The following PCDHGA7 variants were observed in gnomAD, a reference collection of about 807,000 sequenced individuals.
PCDHGA7 encodes the protein protocadherin gamma-A7.
Under a neutral mutation model 58.3 loss-of-function variants are expected in PCDHGA7, and 44 were observed. The ratio of observed to expected loss-of-function variants is 0.75; its 90% CI spans 0.59 to 0.97. PCDHGA7 has a LOEUF of 0.97. Among genes scored for constraint, PCDHGA7 ranks in the 50% least tolerant of loss-of-function variants. The pLI is 0.00. For synonymous variants in PCDHGA7, 516 were observed against 504.2 expected (o/e 1.02, Z -0.31); for missense variants, 1,266 against 1,188.7 (o/e 1.06, Z -0.96).
At chr5:141,423,749 T>TTG (rs1249843775) in intron 1 of PCDHGA7, 127 of 272,264 alleles carry the variant, frequency 4.7e-4, no homozygotes, top group South Asian at 6.4e-4. Context: ...TGAAAACTGT[T>TTG]TGGGGGGGGG....
chr5:141,467,409 C>T (rs2099143590), intron 1 of PCDHGA7, among the ~76,000 whole-genome samples: 1 of 152,132 alleles, frequency 6.6e-6, no homozygotes, highest in South Asian at 2.1e-4. Context: ...GAAAGCCTTT[C>T]CCCACACCTA....
chr5:141,405,835 A>C (rs2094724459), intron 1 of PCDHGA7, among the ~76,000 whole-genome samples: 1 of 152,178 alleles, frequency 6.6e-6, no homozygotes, highest in African/African-American at 2.4e-5. Flanking sequence ...AGGTAGTATA[A>C]GTTGATATCA....
intron 1 of PCDHGA7, chr5:141,415,818 A>G: frequency 2.3e-6 from 3 of 1,325,056 alleles, no homozygotes; most frequent in Middle Eastern, 2.8e-4. Context: ...CCTATATATC[A>G]TAAGGCTTTG....
At chr5:141,464,618 C>G (rs1425657373) in intron 1 of PCDHGA7, among the ~76,000 whole-genome samples, 2 of 152,092 alleles carry the variant, frequency 1.3e-5, no homozygotes, top group Non-Finnish European at 2.9e-5. Context: ...AGTATATTGT[C>G]AAGCTTTTTA....
intron 1 of PCDHGA7, chr5:141,388,443 G>A (rs1242973473): frequency 5.0e-6 from 8 of 1,613,872 alleles, no homozygotes; most frequent in Non-Finnish European, 6.8e-6. Flanking sequence ...AGAGAAATCA[G>A]ATGGCAGTAA....
chr5:141,509,421 A>T (rs939726886), intron 3 of PCDHGA7, among the ~76,000 whole-genome samples: 5 of 152,088 alleles, frequency 3.3e-5, no homozygotes, highest in Non-Finnish European at 1.5e-5. Context: ...AGCCCCAATG[A>T]GTCAAACTCT....
Position 141,491,622 on chromosome 5 carries a change from C to T in PCDHGA7, c.2425-3185C>T, listed in dbSNP as rs980546113. 15 of 1,613,786 alleles carry T rather than the reference C, an allele frequency of 9.3e-6. No individual in the cohort carries two copies. Among genetic ancestry groups the T allele is most frequent in the Non-Finnish European group, 1.3e-5 (15 of 1,180,002 alleles). Reference sequence around the variant, plus strand: ...ACTTCACTTTTCTAAGACCCCTCAGCGTTCAGCAGCCCACAGCTCTGGCGC... The same window carrying T: ...ACTTCACTTTTCTAAGACCCCTCAGTGTTCAGCAGCCCACAGCTCTGGCGC... On this transcript the variant is annotated intron_variant, in intron 1 of 3. Transcript: ENST00000518325. This position sits in a 1 kb window ranked among gnomAD's most constrained non-coding sequence, Gnocchi z 6.9.
In PCDHGA7 at chr5:141,432,704, C is replaced by T; in HGVS notation, c.2424+47381C>T. ...GAGCCTCGTAGTGGCCGTCCAGGAC[C>T]ACGGCCAGCCCCCTCTCTCCGCCAC... is the stretch of plus-strand genomic sequence containing the variant. On this transcript the variant is annotated intron_variant, in intron 1 of 3. Coordinates refer to ENST00000518325, the MANE Select transcript of PCDHGA7 (RefSeq NM_018920.4). The surrounding 1 kb of genome is among the most constrained non-coding windows in gnomAD (Gnocchi z 6.0). The T allele has an allele frequency of 6.2e-7, 1 of 1,613,966 alleles. No homozygotes were observed. The highest frequency in any genetic ancestry group is 8.5e-7 in the Non-Finnish European group (1 of 1,179,976).
At chr5:141,479,120 A>T (rs1278879959) in intron 1 of PCDHGA7, among the ~76,000 whole-genome samples, 1 of 152,232 alleles carries the variant, frequency 6.6e-6, no homozygotes, top group Non-Finnish European at 1.5e-5. Context: ...TTCTACTGGA[A>T]ATGATGTGCA....
chr5:141,388,521 ACTGC>A, intron 1 of PCDHGA7: 1 of 1,613,840 alleles, frequency 6.2e-7, no homozygotes, highest in Non-Finnish European at 8.5e-7. Context: ...CTTGACTTTG[ACTGC>A]CTTGGACTTT....
chr5:141,453,099 C>CT (rs568622146), intron 1 of PCDHGA7, among the ~76,000 whole-genome samples: 1 of 151,962 alleles, frequency 6.6e-6, no homozygotes, highest in East Asian at 1.9e-4. Flanking sequence ...TTTTCTGTTG[C>CT]TTTTTTGTTT....
chr5:141,393,382 T>C (rs778957877), intron 1 of PCDHGA7: 7 of 1,613,948 alleles, frequency 4.3e-6, no homozygotes, highest in Non-Finnish European at 5.9e-6. Flanking sequence ...AATGGAGCCA[T>C]AAACCCAGAG....
intron 1 of PCDHGA7, among the ~76,000 whole-genome samples, chr5:141,469,821 G>A (rs2099212107): frequency 6.6e-6 from 1 of 152,028 alleles, no homozygotes; most frequent in Admixed American, 6.6e-5. Flanking sequence ...TAGAATGGAG[G>A]TCACATAAAA....
At chr5:141,463,738 G>C (rs1002263384) in intron 1 of PCDHGA7, among the ~76,000 whole-genome samples, 1 of 151,978 alleles carries the variant, frequency 6.6e-6, no homozygotes, top group East Asian at 1.9e-4. Flanking sequence ...GAGCCACCGC[G>C]CCCGGCCTGC....
chr5:141,419,322 C>T lies in PCDHGA7; in HGVS notation c.2424+33999C>T, dbSNP rs370480327. The stretch of plus-strand genomic sequence containing the variant: ...GACTTCGGGCTCAACGGCCGTGTCT[C>T]CTACTCTCTCATTGCCAGCGACCTG... On this transcript the variant is annotated intron_variant, in intron 1 of 3. Transcript: ENST00000518325. 164 of 1,613,852 alleles carry T rather than the reference C, an allele frequency of 1.0e-4. No individual in the cohort carries two copies. Among genetic ancestry groups the T allele is most frequent in the Non-Finnish European group, 1.3e-4 (153 of 1,179,898 alleles).
chr5:141,423,720 A>G, intron 1 of PCDHGA7: 1 of 957,774 alleles, frequency 1.0e-6, no homozygotes, highest in East Asian at 6.0e-5. Flanking sequence ...TTTTAAGGAG[A>G]TGTTTTTTGA....
Position 141,491,543 on chromosome 5 carries a change from A to G in PCDHGA7, c.2425-3264A>G. 6.2e-7 allele frequency: 1 copy of G among 1,613,842 alleles called. No individual in the cohort carries two copies. The highest frequency in any genetic ancestry group is 8.5e-7 in the Non-Finnish European group (1 of 1,179,982). ...ATGGAGGTGACGCTGCGGCCCACAG[A>G]CTCGCAGAGCCACTGCTACAGGACG... On this transcript the variant is annotated intron_variant, in intron 1 of 3. Coordinates refer to ENST00000518325, the MANE Select transcript of PCDHGA7 (RefSeq NM_018920.4). The surrounding 1 kb of genome is among the most constrained non-coding windows in gnomAD (Gnocchi z 6.9).
intron 1 of PCDHGA7, chr5:141,412,443 T>C (rs1479281650): frequency 6.6e-6 from 1 of 152,204 alleles, no homozygotes; most frequent in Non-Finnish European, 1.5e-5. Context: ...TAATTAAGGC[T>C]CAGTAAAACT....
intron 1 of PCDHGA7, chr5:141,389,189 C>CATCA: frequency 6.2e-7 from 1 of 1,614,032 alleles, no homozygotes; most frequent in Non-Finnish European, 8.5e-7. Context: ...CCAGTTCCAG[C>CATCA]ATCACCCTGC....
Sources: allele counts gnomAD v4.1 joint callset (sites outside exome capture counted in the v4.1 genomes callset), GRCh38; gene constraint gnomAD v4.1.1; non-coding constraint Gnocchi (gnomAD v3.1); transcripts MANE v1.5; gene names NCBI Gene and HGNC (gene_info 2026-07-23, HGNC 2026-07-21).